The following L1CAM variants were observed in gnomAD, a reference collection of about 807,000 sequenced individuals.
L1CAM encodes L1 cell adhesion molecule, also known as neural cell adhesion molecule L1.
A neutral mutation model predicts 93.0 loss-of-function variants in L1CAM; 8 were observed. That is an observed-to-expected ratio of 0.09 (90% confidence interval 0.05 to 0.16). The LOEUF is 0.16. Among genes scored for constraint, L1CAM ranks in the 10% least tolerant of loss-of-function variants. The pLI is 1.00. For synonymous variants in L1CAM, 453 were observed against 453.0 expected (o/e 1.00, Z 0.00); for missense variants, 777 against 1,073.4 (o/e 0.72, Z 3.86).
At chrX:153,877,287 C>CAAAA (rs34384910) in intron 1 of L1CAM, among the ~76,000 whole-genome samples, 9 of 12,805 alleles carry the variant, frequency 7.0e-4, no homozygotes, top group Non-Finnish European at 8.5e-4. Flanking sequence ...ACTAAAAATA[C>CAAAA]AAAAAAAAAA....
In L1CAM at chrX:153,868,103, G is replaced by A. The variant is rs1569544745; in HGVS notation, c.1723C>T (p.Arg575Cys). The change falls in exon 15 of 29, where the codon CGC becomes TGC. Residue 575 changes from arginine (R) to cysteine (C), a missense_variant. Transcript: ENST00000370060. ...TAGTCCAGGCTGTGGATGACCAGGC[G>A]CCCATCCTCTATGAAGTACCTGCGG... ...DSDKYFIEDG[R>C]LVIHSLDYSD... The A allele has an allele frequency of 1.7e-6, 2 of 1,210,691 alleles. No individual in the cohort carries two copies. Among genetic ancestry groups the A allele is most frequent in the Non-Finnish European group, 1.1e-6 (1 of 895,269 alleles).
At chrX:153,863,763 T>C (rs2064685215) in intron 26 of L1CAM, 120 bp downstream of exon 26, 16 of 1,035,341 alleles carry the variant, frequency 1.5e-5, no homozygotes, top group Non-Finnish European at 1.9e-5. Flanking sequence ...GCCCCCACCA[T>C]GCGCCTGTCA....
At position 153,865,219 on chromosome X, in the gene L1CAM, C is replaced by T. The variant is rs1557090470; in HGVS notation, c.2750-9G>A. ...CTCGGGGTGGCCAGGCACTGCAGGG[C>T]ACAGAACCGAGTGGCAGGTAGGTCC... On this transcript the variant is annotated splice_polypyrimidine_tract_variant and intron_variant, in intron 21 of 28. Transcript: ENST00000370060. 1.7e-6 allele frequency: 2 copies of T among 1,209,695 alleles called. No homozygotes were observed. Among genetic ancestry groups the T allele is most frequent in the East Asian group, 3.0e-5 (1 of 33,823 alleles).
intron 1 of L1CAM, among the ~76,000 whole-genome samples, chrX:153,877,870 C>G (rs1343360237): frequency 8.9e-6 from 1 of 111,950 alleles, no homozygotes; most frequent in Non-Finnish European, 1.9e-5. Context: ...GTCCCAATTT[C>G]TAGGTCTTTG....
chrX:153,865,870 T>C, intron 19 of L1CAM, 51 bp from the exon 20 acceptor site: 1 of 875,792 alleles, frequency 1.1e-6, no homozygotes, highest in South Asian at 2.0e-5. Context: ...ACCCCAGCCC[T>C]GAGGCCAGGC....
chrX:153,870,636 C>T, intron 7 of L1CAM, 137 bp from the exon 8 acceptor site: 1 of 774,948 alleles, frequency 1.3e-6, no homozygotes, highest in Non-Finnish European at 2.0e-6. Flanking sequence ...CCTGTCTCTG[C>T]TCTCGACGCC....
intron 14 of L1CAM, 65 bp from the exon 15 acceptor site, chrX:153,868,187 C>T: frequency 8.3e-7 from 1 of 1,204,261 alleles, no homozygotes; most frequent in South Asian, 1.8e-5. Context: ...TCCCTCCCTC[C>T]TGTCTCCTTC....
In L1CAM at chrX:153,868,923, T is replaced by G. The variant is rs782022197; in HGVS notation, c.1297A>C (p.Asn433His). Residue 433 changes from asparagine (N) to histidine (H), a missense_variant, in exon 12 of 29, where the codon AAT becomes CAT. Asn to His is a moderately conservative substitution (Grantham distance 68, BLOSUM62 1). Coordinates refer to ENST00000370060, the MANE Select transcript of L1CAM (RefSeq NM_001278116.2). ...CCCTGGACAGCCATGTACGTCTGAT[T>G]GTCCGCAGTCAGGATCTTGGCTGGC... Reference protein sequence around the residue: ...QLPAKILTADNQTYMAVQGST... With the variant: ...QLPAKILTADHQTYMAVQGST... 7.4e-6 allele frequency: 9 copies of G among 1,210,002 alleles called. No homozygotes were observed. In the East Asian group the frequency reaches 2.7e-4, roughly 36 times the overall value.
intron 16 of L1CAM, 106 bp from the exon 17 acceptor site, chrX:153,867,659 G>T (rs2064726575): frequency 2.1e-6 from 2 of 954,278 alleles, no homozygotes; most frequent in Non-Finnish European, 3.0e-6. Flanking sequence ...AGGCCAACTG[G>T]CATCTCCAGA....
Position 153,872,641 on chromosome X carries a change from T to A in L1CAM, c.148A>T (p.Thr50Ser). ...TCACACTTGAGGCTGATGTCATCTGTGGGGAAGACAACCAGGCGCCGTGGA... is the reference window on the plus strand; with the variant it reads ...TCACACTTGAGGCTGATGTCATCTGAGGGGAAGACAACCAGGCGCCGTGGA... ...QSPRRLVVFP[T>S]DDISLKCEAS... The change falls in exon 4 of 29, where the codon ACA (threonine) becomes TCA (serine). Residue 50 changes from threonine to serine, a missense_variant. Thr to Ser is a moderately conservative substitution (Grantham distance 58). This residue lies in a region of L1CAM where 574 missense variants were observed against 781.0 expected (regional missense o/e 0.73). Transcript: ENST00000370060. 1 of 1,210,403 alleles carries A rather than the reference T, an allele frequency of 8.3e-7. No homozygotes were observed. The highest frequency in any genetic ancestry group is 1.8e-5 in the South Asian group (1 of 56,929).
chrX:153,866,312 CAA>C lies in L1CAM; in HGVS notation c.2431+335_2431+336del, dbSNP rs374864697. ...TGGATGACAGAGCAAGACTCCATCT[CAA>C]AAAAAAAAAAAAAGAAAGAAAAGAA... On this transcript the variant is annotated intron_variant, in intron 19 of 28. Coordinates refer to ENST00000370060, the MANE Select transcript of L1CAM (RefSeq NM_001278116.2). Among the ~76,000 whole-genome samples the C allele has an allele frequency of 2.0e-4, 7 of 35,668 alleles. No homozygotes were observed. In the East Asian group the frequency reaches 3.5e-3, roughly 18 times the overall value. The allele number at this position is 35,668 out of a possible 115,157, so 31.0% of individuals were successfully genotyped here. A position where few individuals can be genotyped will look rare whatever the true frequency, so the allele number is the denominator to read the frequency against.
At position 153,864,453 on chromosome X, in the gene L1CAM, G is replaced by A. The variant is rs782535616; in HGVS notation, c.3191C>T (p.Ser1064Leu). 2.1e-5 allele frequency: 25 copies of A among 1,209,434 alleles called. No individual in the cohort carries two copies. The highest frequency in any genetic ancestry group is 3.5e-5 in the South Asian group (2 of 56,801). Residue 1064 changes from serine to leucine, a missense_variant, in exon 25 of 29, where the codon TCG becomes TTG. Coordinates refer to ENST00000370060, the MANE Select transcript of L1CAM (RefSeq NM_001278116.2). ...CTGGTTGTAGCTGACATACTGTGGCGAAAGGGAAGCCCCACCCTTCTCTTC... is the reference window on the plus strand; with the variant it reads ...CTGGTTGTAGCTGACATACTGTGGCAAAAGGGAAGCCCCACCCTTCTCTTC... ...LGEEKGGASL[S>L]PQYVSYNQSS...
rs782805790 is a variant in L1CAM at position 153,864,576 on chromosome X, C to T, written c.3166+9G>A. ...CCCACCACGCCCCAAGGCCCCCTTT[C>T]ACGCTTACCTCCCAAGGCTTTGAAC... On this transcript the variant is annotated intron_variant, in intron 24 of 28. Transcript: ENST00000370060. 8.4e-7 allele frequency: 1 copy of T among 1,187,101 alleles called. No homozygotes were observed. The highest frequency in any genetic ancestry group is 1.1e-6 in the Non-Finnish European group (1 of 874,858).
At chrX:153,881,812 A>T (rs5945362) in intron 1 of L1CAM, among the ~76,000 whole-genome samples, 1,566 of 111,227 alleles carry the variant, frequency 0.014, 24 homozygotes, top group Admixed American at 0.046. Context: ...GATGCCCAGC[A>T]GGCGGCAAGG....
chrX:153,879,610 G>A (rs1324859362), intron 1 of L1CAM, among the ~76,000 whole-genome samples: 1 of 112,368 alleles, frequency 8.9e-6, no homozygotes, highest in Non-Finnish European at 1.9e-5. Flanking sequence ...GAGCAGCTGT[G>A]AGCTGGGGCC....
intron 1 of L1CAM, among the ~76,000 whole-genome samples, chrX:153,883,452 A>G (rs1383522093): frequency 9.0e-6 from 1 of 110,587 alleles, no homozygotes; most frequent in Non-Finnish European, 1.9e-5. Context: ...GGGCGGGGGA[A>G]GCAGGAGAAG....
In L1CAM at chrX:153,870,171, G is replaced by A; in HGVS notation, c.876C>T (p.Asn292=). 2 of 1,212,106 alleles carry A rather than the reference G, an allele frequency of 1.7e-6. No homozygotes were observed. The highest frequency in any genetic ancestry group is 1.8e-5 in the South Asian group (1 of 57,029). Reference sequence around the variant, plus strand: ...TCAGCAGCTGCAGGGTCTTGTTGTGGTTCTGGTAGGTGACACGGTCGGCTG... The same window carrying A: ...TCAGCAGCTGCAGGGTCTTGTTGTGATTCTGGTAGGTGACACGGTCGGCTG... ...PMPADRVTYQ[N]HNKTLQLLKV... is the part of the protein sequence containing the mutation. The change falls in exon 9 of 29, where the codon AAC becomes AAT. Residue 292 remains asparagine (N), a synonymous_variant. Transcript: ENST00000370060.
intron 1 of L1CAM, among the ~76,000 whole-genome samples, chrX:153,882,173 G>A (rs1279783070): frequency 8.9e-6 from 1 of 112,177 alleles, no homozygotes; most frequent in Non-Finnish European, 1.9e-5. Context: ...AGGGGTTAAA[G>A]GGCAGAGGGG....
At chrX:153,879,282 T>A (rs1859151547) in intron 1 of L1CAM, among the ~76,000 whole-genome samples, 1 of 109,722 alleles carries the variant, frequency 9.1e-6, no homozygotes, top group South Asian at 4.0e-4. Context: ...TGGAGATGGT[T>A]AGGGGGTGGG....
Sources: allele counts gnomAD v4.1 joint callset (sites outside exome capture counted in the v4.1 genomes callset), GRCh38; gene constraint gnomAD v4.1.1; regional missense constraint gnomAD v4.1.1; transcripts MANE v1.5; gene names NCBI Gene and HGNC (gene_info 2026-07-23, HGNC 2026-07-21).